Variants in PPP2R3A observed in about 807,000 individuals in gnomAD.
PPP2R3A encodes the protein serine/threonine-protein phosphatase 2A regulatory subunit B'' subunit alpha.
PPP2R3A carries 80 observed loss-of-function variants against 106.9 expected under a neutral mutation model. The ratio of observed to expected loss-of-function variants is 0.75; its 90% CI spans 0.62 to 0.90. The LOEUF is 0.90. PPP2R3A is among the 40% of genes least tolerant of loss of function. The pLI is 0.00. For missense variants in PPP2R3A, 1,386 were observed against 1,350.4 expected (o/e 1.03, Z -0.41); for synonymous variants, 483 against 468.3 (o/e 1.03, Z -0.41).
chr3:135,969,897 A>G (rs1156345517), intron 1 of PPP2R3A, among the ~76,000 whole-genome samples: 5 of 152,134 alleles, frequency 3.3e-5, no homozygotes, highest in Non-Finnish European at 4.4e-5. Context: ...CAGCTCTTCT[A>G]TTTCACTACA....
chr3:136,028,830 T>C (rs1304732234), intron 3 of PPP2R3A, among the ~76,000 whole-genome samples: 2 of 151,974 alleles, frequency 1.3e-5, no homozygotes, highest in East Asian at 3.9e-4. Flanking sequence ...GTTGTTGTTG[T>C]TGTTTTTTGT....
At chr3:136,019,229 C>A (rs1033257070) in intron 2 of PPP2R3A, among the ~76,000 whole-genome samples, 1 of 152,156 alleles carries the variant, frequency 6.6e-6, no homozygotes, top group Admixed American at 6.5e-5. Flanking sequence ...CTGCAGGGAG[C>A]AGGAGAAAAT....
In PPP2R3A at chr3:136,139,623, G is replaced by A. The variant is rs192951045; in HGVS notation, c.3330-5420G>A. Among the ~76,000 whole-genome samples, 209 of 150,472 alleles carry A rather than the reference G, an allele frequency of 1.4e-3. 3 individuals carry two copies. Among genetic ancestry groups the A allele is most frequent in the African/African-American group, 4.5e-3 (183 of 40,866 alleles). On this transcript the variant is annotated intron_variant, in intron 13 of 13. Transcript: ENST00000264977. ...CAGGAGAATCGCTTGAACCTCGGAG[G>A]CAGAGGTTGCAGTGAGCCGAGATCA...
intron 5 of PPP2R3A, among the ~76,000 whole-genome samples, chr3:136,063,528 C>T (rs1936152830): frequency 6.6e-6 from 1 of 152,178 alleles, no homozygotes; most frequent in South Asian, 2.1e-4. Context: ...ACTCATCTGA[C>T]AAAGGGCTAA....
intron 7 of PPP2R3A, among the ~76,000 whole-genome samples, 171 bp from the exon 8 acceptor site, chr3:136,082,094 T>G (rs1250188463): frequency 6.6e-6 from 1 of 152,168 alleles, no homozygotes. Flanking sequence ...TAAATGCTTA[T>G]AGATTGATTG....
chr3:136,086,861 ATTG>A (rs1221382793), intron 8 of PPP2R3A, among the ~76,000 whole-genome samples: 1 of 152,170 alleles, frequency 6.6e-6, no homozygotes, highest in African/African-American at 2.4e-5. Context: ...TAATGACCTT[ATTG>A]ATGATCCTGA....
At chr3:136,034,819 A>G (rs1347104558) in intron 3 of PPP2R3A, among the ~76,000 whole-genome samples, 1 of 152,110 alleles carries the variant, frequency 6.6e-6, no homozygotes, top group African/African-American at 2.4e-5. Context: ...TCAGTGGAGT[A>G]CTGAAGTCCC....
At position 136,132,784 on chromosome 3, in the gene PPP2R3A, AT is replaced by A. The variant is rs571243677; in HGVS notation, c.3330-12258del. 3.9e-5 allele frequency among the ~76,000 whole-genome samples: 6 copies of A among 152,120 alleles called. No homozygotes were observed. In the South Asian group the frequency reaches 1.2e-3, roughly 31 times the overall value. On this transcript the variant is annotated intron_variant, in intron 13 of 13. Transcript: ENST00000264977. ...CTAAAACTTGTATAGAAAATGAAAA[AT>A]ATCTAGAATAGCCAAAACACTTTTT...
At chr3:136,135,032 AT>A (rs1320628017) in intron 13 of PPP2R3A, among the ~76,000 whole-genome samples, 2 of 152,222 alleles carry the variant, frequency 1.3e-5, no homozygotes, top group Non-Finnish European at 2.9e-5. Context: ...TCTAAAGAGA[AT>A]AAATAATTGG....
At chr3:136,099,347 CCAGA>C (rs1357130911) in intron 10 of PPP2R3A, among the ~76,000 whole-genome samples, 5 of 151,664 alleles carry the variant, frequency 3.3e-5, no homozygotes, top group East Asian at 1.9e-4. Context: ...AAGATAAAGG[CCAGA>C]CAAATAGAGG....
chr3:136,119,200 C>G (rs891957494), intron 13 of PPP2R3A, among the ~76,000 whole-genome samples: 2 of 152,170 alleles, frequency 1.3e-5, no homozygotes, highest in Non-Finnish European at 2.9e-5. Flanking sequence ...CCCTTCCTTA[C>G]ACCTTATACA....
chr3:136,120,239 A>G (rs1364395029), intron 13 of PPP2R3A, among the ~76,000 whole-genome samples: 1 of 152,116 alleles, frequency 6.6e-6, no homozygotes, highest in African/African-American at 2.4e-5. Context: ...ATACCTATGT[A>G]GCAAAACTGC....
chr3:136,075,807 A>G (rs1252269709), intron 6 of PPP2R3A, among the ~76,000 whole-genome samples: 1 of 152,220 alleles, frequency 6.6e-6, no homozygotes, highest in East Asian at 1.9e-4. Context: ...CTTCAATAGA[A>G]AAATGTGGTT....
At chr3:136,143,531 T>C (rs1404507676) in intron 13 of PPP2R3A, among the ~76,000 whole-genome samples, 1 of 152,064 alleles carries the variant, frequency 6.6e-6, no homozygotes, top group Non-Finnish European at 1.5e-5. Context: ...GGCTCATGCC[T>C]GTAATCCCAG....
At chr3:135,990,440 T>G (rs1341327099) in intron 1 of PPP2R3A, among the ~76,000 whole-genome samples, 1 of 152,204 alleles carries the variant, frequency 6.6e-6, no homozygotes, top group African/African-American at 2.4e-5. Flanking sequence ...AATTGGCCTA[T>G]TATTTTTTGT....
At chr3:136,023,320 T>G in intron 2 of PPP2R3A, 2 of 810,888 alleles carry the variant, frequency 2.5e-6, no homozygotes, top group Non-Finnish European at 3.8e-6. Context: ...CCTTGTATCT[T>G]GATATTAGAT....
At chr3:136,104,189 A>G (rs1301570729) in intron 12 of PPP2R3A, among the ~76,000 whole-genome samples, 1 of 152,180 alleles carries the variant, frequency 6.6e-6, no homozygotes, top group African/African-American at 2.4e-5. Context: ...TCCAAAAACA[A>G]ATATTCTGCA....
intron 10 of PPP2R3A, among the ~76,000 whole-genome samples, chr3:136,093,941 T>C (rs1306567365): frequency 1.3e-5 from 2 of 152,232 alleles, no homozygotes; most frequent in African/African-American, 4.8e-5. Flanking sequence ...TACACCCATT[T>C]TCATAGCAGC....
intron 8 of PPP2R3A, 58 bp downstream of exon 8, chr3:136,082,479 A>G (rs1936808463): frequency 1.3e-6 from 2 of 1,551,798 alleles, no homozygotes; most frequent in East Asian, 2.3e-5. Flanking sequence ...ATAAATTATC[A>G]CTACTCATTA....
Sources: gnomAD v4.1 joint callset for allele counts (sites outside exome capture counted in the v4.1 genomes callset) on GRCh38, gnomAD v4.1.1 for gene constraint, MANE v1.5 for transcripts, NCBI Gene and HGNC (gene_info 2026-07-23, HGNC 2026-07-21) for gene names.